The following GARS1 variants were observed in gnomAD, a reference collection of about 807,000 sequenced individuals.
The protein encoded by GARS1 is glycyl-tRNA synthetase 1, also known as glycine--tRNA ligase.
A neutral mutation model predicts 86.4 loss-of-function variants in GARS1; 46 were observed. The observed-to-expected ratio is 0.53, with a 90% confidence interval of 0.42 to 0.68. GARS1 has a LOEUF of 0.68. GARS1 is among the 30% of genes least tolerant of loss of function. The probability of loss-of-function intolerance (pLI) is 0.00; values close to 1 mark genes in which losing one functional copy is unlikely to be tolerated. For synonymous variants in GARS1, 342 were observed against 329.8 expected, an observed-to-expected ratio of 1.04 and a Z score of -0.40; for missense variants, 797 against 915.6, an observed-to-expected ratio of 0.87 and a Z score of 1.67.
In GARS1 at chr7:30,632,569, TCAGA is replaced by T. The variant is rs1042742087; in HGVS notation, c.2094+137_2094+140del. ...TTTTAATTTTAATGAACGGCTTGTA[TCAGA>T]CAGAGCCCAGATTCTCAAGTCCCCC... On this transcript the variant is annotated intron_variant, in intron 16 of 16. Transcript: ENST00000389266. The surrounding 1 kb of genome is among the most constrained non-coding windows in gnomAD (Gnocchi z 4.1). The T allele has an allele frequency of 2.2e-6, 2 of 909,248 alleles. No individual in the cohort carries two copies. Among genetic ancestry groups the T allele is most frequent in the East Asian group, 2.7e-5 (1 of 37,728 alleles). The allele number at this position is 909,248 out of a possible 1,614,324, so 56.3% of individuals were successfully genotyped here. A position where few individuals can be genotyped will look rare whatever the true frequency, so the allele number is the denominator to read the frequency against.
At position 30,625,973 on chromosome 7, in the gene GARS1, T is replaced by A. The variant is rs556478574; in HGVS notation, c.1614-261T>A. ...CTTGATTCAAAACCAAAGGAATTTGTCATTAAGTCACTTGTGGAGTTTTAT... is the reference window on the plus strand; with the variant it reads ...CTTGATTCAAAACCAAAGGAATTTGACATTAAGTCACTTGTGGAGTTTTAT... On this transcript the variant is annotated intron_variant, in intron 12 of 16. Coordinates refer to ENST00000389266, the MANE Select transcript of GARS1 (RefSeq NM_002047.4). Among the ~76,000 whole-genome samples the A allele has an allele frequency of 2.0e-5, 3 of 152,350 alleles. No individual in the cohort carries two copies. The East Asian group carries it at 5.8e-4, about 29-fold the overall frequency.
chr7:30,605,903 T>C (rs934991396), intron 6 of GARS1, among the ~76,000 whole-genome samples: 1 of 152,230 alleles, frequency 6.6e-6, no homozygotes, highest in East Asian at 1.9e-4. Flanking sequence ...AAAATTTGAA[T>C]TGGGATCCAG....
At chr7:30,606,072 G>A (rs928170115) in intron 6 of GARS1, among the ~76,000 whole-genome samples, 12 of 152,054 alleles carry the variant, frequency 7.9e-5, no homozygotes, top group African/African-American at 2.9e-4. Flanking sequence ...TCTGGATTTG[G>A]CTAATTACGT....
At chr7:30,616,686 C>T (rs949792344) in intron 9 of GARS1, among the ~76,000 whole-genome samples, 3 of 152,192 alleles carry the variant, frequency 2.0e-5, no homozygotes, top group African/African-American at 4.8e-5. Flanking sequence ...AAAATGATTA[C>T]GTGTACTCTA....
intron 2 of GARS1, 29 bp from the exon 3 acceptor site, chr7:30,599,915 CACT>C: frequency 7.4e-7 from 1 of 1,359,452 alleles, no homozygotes; most frequent in Non-Finnish European, 1.1e-6. Context: ...CCCACCCCTC[CACT>C]CACTCACTTT....
intron 6 of GARS1, among the ~76,000 whole-genome samples, chr7:30,606,057 T>C (rs982709014): frequency 6.6e-6 from 1 of 152,238 alleles, no homozygotes; most frequent in Non-Finnish European, 1.5e-5. Flanking sequence ...TACTGTTTTC[T>C]ACTGTCTGGA....
intron 6 of GARS1, among the ~76,000 whole-genome samples, chr7:30,604,811 G>A (rs991100663): frequency 6.6e-6 from 1 of 152,162 alleles, no homozygotes; most frequent in Non-Finnish European, 1.5e-5. Flanking sequence ...AATGGAAAAT[G>A]CCTCTAAGTA....
At chr7:30,595,411 G>A (rs570233210) in intron 1 of GARS1, among the ~76,000 whole-genome samples, 2 of 152,180 alleles carry the variant, frequency 1.3e-5, no homozygotes, top group East Asian at 3.9e-4. Context: ...CTCCGGCTCC[G>A]TTCTCCCTTC....
chr7:30,631,143 C>A, intron 14 of GARS1: 1 of 319,882 alleles, frequency 3.1e-6, no homozygotes, highest in Non-Finnish European at 6.1e-6. Context: ...CATCATTTGA[C>A]TTTTTTAGTA....
intron 9 of GARS1, among the ~76,000 whole-genome samples, chr7:30,616,491 T>A (rs1782892612): frequency 6.6e-6 from 1 of 152,178 alleles, no homozygotes; most frequent in African/African-American, 2.4e-5. Flanking sequence ...AGTGAGTGCG[T>A]GAAAACTTGC....
intron 8 of GARS1, 29 bp downstream of exon 8, chr7:30,612,274 G>A: frequency 1.2e-6 from 2 of 1,605,540 alleles, no homozygotes; most frequent in Middle Eastern, 1.7e-4. Flanking sequence ...TTACAAATTA[G>A]TGAATGACCT....
chr7:30,630,431 A>G (rs962728191), intron 14 of GARS1, among the ~76,000 whole-genome samples: 69 of 151,644 alleles, frequency 4.6e-4, no homozygotes, highest in African/African-American at 1.6e-3. Flanking sequence ...AACCTTTTGT[A>G]CAAGTATTAA....
chr7:30,622,030 T>TA, intron 11 of GARS1: 1 of 441,112 alleles, frequency 2.3e-6, no homozygotes, highest in Non-Finnish European at 4.2e-6. Flanking sequence ...TAGAAATACT[T>TA]ATCAGAAGTT....
intron 9 of GARS1, 54 bp downstream of exon 9, chr7:30,616,112 A>C (rs1047197353): frequency 4.5e-5 from 72 of 1,583,392 alleles, no homozygotes; most frequent in Non-Finnish European, 6.0e-5. Context: ...GGTTTGCAGC[A>C]ATTAGCAAAT....
chr7:30,627,079 A>C (rs1019174568), intron 13 of GARS1: 1 of 467,074 alleles, frequency 2.1e-6, no homozygotes, highest in African/African-American at 2.0e-5. Flanking sequence ...GAATTAGGCA[A>C]TGAGTAATTT....
At chr7:30,609,474 C>T in intron 6 of GARS1, 111 bp from the exon 7 acceptor site, 2 of 875,338 alleles carry the variant, frequency 2.3e-6, no homozygotes, top group South Asian at 2.8e-5. Context: ...TTGTGATGTT[C>T]CTGAATTTTG....
intron 10 of GARS1, among the ~76,000 whole-genome samples, chr7:30,619,332 T>G (rs1004903443): frequency 6.6e-6 from 1 of 152,214 alleles, no homozygotes; most frequent in Non-Finnish European, 1.5e-5. Context: ...CCAGAGGCTC[T>G]TAAGGAGAGG....
intron 6 of GARS1, 132 bp from the exon 7 acceptor site, chr7:30,609,452 AG>A (rs1791549520): frequency 1.4e-6 from 1 of 730,420 alleles, no homozygotes; most frequent in Non-Finnish European, 2.4e-6. Flanking sequence ...GGTGTCCTGA[AG>A]GTTAGGTTAA....
intron 12 of GARS1, among the ~76,000 whole-genome samples, chr7:30,623,606 G>A (rs930118078): frequency 6.6e-6 from 1 of 152,136 alleles, no homozygotes; most frequent in African/African-American, 2.4e-5. Context: ...GACAATATCA[G>A]GCAGTCTAAT....
Sources: allele counts gnomAD v4.1 joint callset (sites outside exome capture counted in the v4.1 genomes callset), GRCh38; gene constraint gnomAD v4.1.1; non-coding constraint Gnocchi (gnomAD v3.1); transcripts MANE v1.5; gene names NCBI Gene and HGNC (gene_info 2026-07-23, HGNC 2026-07-21).